The following GGA3 variants were observed in gnomAD, a reference collection of about 807,000 sequenced individuals.
GGA3 encodes the protein golgi associated, gamma adaptin ear containing, ARF binding protein 3.
GGA3 carries 57 observed loss-of-function variants against 77.5 expected under a neutral mutation model. That is an observed-to-expected ratio of 0.74 (90% confidence interval 0.59 to 0.92). GGA3 has a LOEUF of 0.92. Among genes scored for constraint, GGA3 ranks in the 40% least tolerant of loss-of-function variants. GGA3 has a pLI of 0.00. For missense variants in GGA3, 970 were observed against 914.9 expected, an observed-to-expected ratio of 1.06 and a Z score of -0.78; for synonymous variants, 416 against 383.7, an observed-to-expected ratio of 1.08 and a Z score of -0.98.
rs2076560497 is a variant in GGA3 at position 75,241,594 on chromosome 17, GA to G, written c.829+20del. On this transcript the variant is annotated intron_variant, in intron 9 of 16. Transcript: ENST00000537686. Reference sequence around the variant, plus strand: ...ATATCCAAATGCCTGGCTTATCCCTGACCGTCGCTCTTTCACTCACCCAAAC... The same window carrying G: ...ATATCCAAATGCCTGGCTTATCCCTGCCGTCGCTCTTTCACTCACCCAAAC... The G allele has an allele frequency of 1.9e-6, 3 of 1,611,412 alleles. No individual in the cohort carries two copies. In the East Asian group the frequency reaches 6.7e-5, roughly 36 times the overall value.
At position 75,238,409 on chromosome 17, in the gene GGA3, G is replaced by A. The variant is rs769319303; in HGVS notation, c.2062-20C>T. 2 of 1,605,998 alleles carry A rather than the reference G, an allele frequency of 1.2e-6. No individual in the cohort carries two copies. The highest frequency in any genetic ancestry group is 3.3e-5 in the Admixed American group (2 of 59,900). ...CTTCTCCTGTGACAGAGGGCAGCAA[G>A]TGAGATCCAGCCCAGGCGGCCCCTT... On this transcript the variant is annotated intron_variant, in intron 16 of 16. Coordinates refer to ENST00000537686, the MANE Select transcript of GGA3 (RefSeq NM_138619.4).
Position 75,239,959 on chromosome 17 carries a change from T to G in GGA3, c.1413A>C (p.Pro471=), listed in dbSNP as rs895996875. The G allele has an allele frequency of 1.5e-5, 24 of 1,573,500 alleles. No individual in the cohort carries two copies. The highest frequency in any genetic ancestry group is 2.1e-5 in the Non-Finnish European group (24 of 1,160,118). The change falls in exon 13 of 17, where the codon CCA becomes CCC. Residue 471 remains proline (P), a synonymous_variant. Coordinates refer to ENST00000537686, the MANE Select transcript of GGA3 (RefSeq NM_138619.4). ...CCGCACTGGGGGCAGGAACACTGGC[T>G]GGGACCACAGGAGCTGGGAAGGGAG... The part of the protein sequence containing the change: ...LPPPFPAPVV[P]ASVPAPSAGS...
At chr17:75,256,483 C>T (rs567996828) in intron 1 of GGA3, among the ~76,000 whole-genome samples, 33 of 152,202 alleles carry the variant, frequency 2.2e-4, no homozygotes, top group African/African-American at 7.7e-4. Flanking sequence ...TCTGATCCAC[C>T]TGACATTCAC....
In GGA3 at chr17:75,239,083, C is replaced by T; in HGVS notation, c.1781G>A (p.Ser594Asn). The change falls in exon 15 of 17, where the codon AGC becomes AAC. Residue 594 changes from serine to asparagine, a missense_variant and splice_region_variant. Ser to Asn is a conservative substitution (Grantham distance 46). Coordinates refer to ENST00000537686, the MANE Select transcript of GGA3 (RefSeq NM_138619.4). ...GTAGGCTGTCACAGGAAGGGCACTG[C>T]CTGTAAGAACGTGACGTGAGTGTGG... ...IHVPLESIKPSSALPVTAYDK... is the reference protein window; with the variant it reads ...IHVPLESIKPNSALPVTAYDK... The T allele has an allele frequency of 1.2e-6, 2 of 1,611,954 alleles. No homozygotes were observed. Among genetic ancestry groups the T allele is most frequent in the Non-Finnish European group, 8.5e-7 (1 of 1,179,490 alleles).
In GGA3 at chr17:75,244,666, C is replaced by G; in HGVS notation, c.253G>C (p.Gly85Arg). Residue 85 changes from glycine (G) to arginine (R), a missense_variant, in exon 4 of 17, where the codon GGG becomes CGG. Transcript: ENST00000537686. ...AACTCATTCAAAAAGCGGAACTTCC[C>G]CACTTCGTTATGAAATCTCCTCCCA... ...NCGRRFHNEV[G>R]KFRFLNELIK... The G allele has an allele frequency of 6.2e-7, 1 of 1,613,938 alleles. No individual in the cohort carries two copies. The highest frequency in any genetic ancestry group is 8.5e-7 in the Non-Finnish European group (1 of 1,179,822).
upstream of GGA3, chr17:75,261,607 G>A (rs762647318): frequency 1.8e-5 from 27 of 1,537,126 alleles, no homozygotes; most frequent in South Asian, 3.1e-4. Flanking sequence ...GCCCGGCCCC[G>A]CGGCTTCAAA....
intron 1 of GGA3, among the ~76,000 whole-genome samples, chr17:75,255,870 T>C (rs1296590349): frequency 6.6e-6 from 1 of 152,222 alleles, no homozygotes; most frequent in Non-Finnish European, 1.5e-5. Flanking sequence ...CAGCCTCTCT[T>C]TGCTTTCACT....
chr17:75,261,979 C>T (rs778523905), upstream of GGA3: 30 of 1,588,842 alleles, frequency 1.9e-5, no homozygotes, highest in African/African-American at 2.9e-5. Context: ...CTTGCAGCTT[C>T]CAGGGTGAGA....
chr17:75,259,951 C>T (rs969482898), intron 1 of GGA3, among the ~76,000 whole-genome samples: 2 of 152,138 alleles, frequency 1.3e-5, no homozygotes, highest in Non-Finnish European at 2.9e-5. Context: ...AGTTTGAGAC[C>T]ATCCTGGGCA....
Position 75,237,613 on chromosome 17 carries a change from C to T in GGA3, c.*666G>A, listed in dbSNP as rs1271435838. The T allele has an allele frequency of 6.5e-7, 1 of 1,529,450 alleles. No individual in the cohort carries two copies. The highest frequency in any genetic ancestry group is 2.4e-5 in the East Asian group (1 of 40,894). 94.7% of individuals were successfully genotyped at this position (1,529,450 alleles called of 1,614,324 possible). A position where few individuals can be genotyped will look rare whatever the true frequency, so the allele number is the denominator to read the frequency against. On this transcript the variant is annotated 3_prime_UTR_variant, in exon 17 of 17. Coordinates refer to ENST00000537686, the MANE Select transcript of GGA3 (RefSeq NM_138619.4). ...CTGTCATGAGGCCAAATTCCATGTC[C>T]TGCCAAGATGTCCATAGGACACAGC...
intron 16 of GGA3, 44 bp downstream of exon 16, chr17:75,238,608 A>G (rs990198277): frequency 7.3e-7 from 1 of 1,368,546 alleles, no homozygotes; most frequent in Non-Finnish European, 1.0e-6. Flanking sequence ...AATCTGGGGC[A>G]GCTGGGGCCT....
intron 1 of GGA3, among the ~76,000 whole-genome samples, chr17:75,258,422 C>G (rs1488644227): frequency 6.6e-6 from 1 of 152,176 alleles, no homozygotes; most frequent in Non-Finnish European, 1.5e-5. Flanking sequence ...AATCCCAACA[C>G]TTTGGAGGGA....
chr17:75,255,118 G>A (rs988522833), intron 1 of GGA3, among the ~76,000 whole-genome samples: 7 of 152,136 alleles, frequency 4.6e-5, no homozygotes, highest in Non-Finnish European at 1.0e-4. Context: ...TCTCACAGTG[G>A]AGAGTAAGTC....
chr17:75,237,613 C>A lies in GGA3; in HGVS notation c.*666G>T. 1 of 1,529,448 alleles carries A rather than the reference C, an allele frequency of 6.5e-7. No individual in the cohort carries two copies. Among genetic ancestry groups the A allele is most frequent in the African/African-American group, 1.4e-5 (1 of 73,116 alleles). 94.7% of individuals were successfully genotyped at this position (1,529,448 alleles called of 1,614,324 possible). On this transcript the variant is annotated 3_prime_UTR_variant, in exon 17 of 17. Coordinates refer to ENST00000537686, the MANE Select transcript of GGA3 (RefSeq NM_138619.4). The stretch of plus-strand genomic sequence containing the variant: ...CTGTCATGAGGCCAAATTCCATGTC[C>A]TGCCAAGATGTCCATAGGACACAGC...
intron 12 of GGA3, 35 bp from the exon 13 acceptor site, chr17:75,240,143 G>T (rs1244259058): frequency 5.3e-6 from 7 of 1,328,068 alleles, no homozygotes; most frequent in Middle Eastern, 2.5e-4. Context: ...AGCCGAGGGC[G>T]GGTGGGGAGG....
chr17:75,241,545 CCTG>C (rs2076558926), intron 9 of GGA3, 29 bp from the exon 10 acceptor site: 1 of 1,602,278 alleles, frequency 6.2e-7, no homozygotes, highest in Non-Finnish European at 8.6e-7. Context: ...ACTTCTCACT[CCTG>C]TTGTGACAGT....
At chr17:75,249,841 C>T (rs1598425297) in intron 1 of GGA3, among the ~76,000 whole-genome samples, 1 of 152,338 alleles carries the variant, frequency 6.6e-6, no homozygotes, top group East Asian at 1.9e-4. Context: ...TTATCTTCTT[C>T]CCAAGTCTAT....
Position 75,237,853 on chromosome 17 carries a change from A to ATCT in GGA3, c.*423_*425dup. 1.3e-5 allele frequency: 18 copies of ATCT among 1,406,598 alleles called. No individual in the cohort carries two copies. The highest frequency in any genetic ancestry group is 1.7e-5 in the Non-Finnish European group (18 of 1,085,096). 87.1% of individuals were successfully genotyped at this position (1,406,598 alleles called of 1,614,324 possible). ...AGGGCTGCAGCCCCTTGGGCCGTGC[A>ATCT]TCTGTCAGGTGTGAGGATGTGGCTC... On this transcript the variant is annotated 3_prime_UTR_variant, in exon 17 of 17. Coordinates refer to ENST00000537686, the MANE Select transcript of GGA3 (RefSeq NM_138619.4).
chr17:75,260,751 ACT>A (rs1330361613), intron 1 of GGA3, among the ~76,000 whole-genome samples: 2 of 152,220 alleles, frequency 1.3e-5, no homozygotes, highest in African/African-American at 4.8e-5. Context: ...CAGGCAGAGT[ACT>A]ACCTGCTAAC....
Sources: allele counts gnomAD v4.1 joint callset (sites outside exome capture counted in the v4.1 genomes callset), GRCh38; gene constraint gnomAD v4.1.1; transcripts MANE v1.5; gene names NCBI Gene and HGNC (gene_info 2026-07-23, HGNC 2026-07-21).